Variants in NEB observed in about 807,000 individuals in gnomAD.
The protein encoded by NEB is nemaline myopathy type 2.
NEB carries 512 observed loss-of-function variants against 952.2 expected under a neutral mutation model. The observed-to-expected ratio is 0.54, with a 90% CI of 0.50 to 0.58. The LOEUF is 0.58. Ranked by LOEUF, NEB falls within the 20% of genes least tolerant of loss-of-function variation. The probability of loss-of-function intolerance (pLI) is 0.00; values close to 1 mark genes in which losing one functional copy is unlikely to be tolerated. For missense variants in NEB, 8,428 were observed against 9,231.1 expected (o/e 0.91, Z 3.56); for synonymous variants, 2,900 against 3,149.8 (o/e 0.92, Z 2.66).
intron 9 of NEB, among the ~76,000 whole-genome samples, chr2:151,718,273 G>A (rs2099764911): frequency 6.6e-6 from 1 of 152,174 alleles, no homozygotes; most frequent in Non-Finnish European, 1.5e-5. Flanking sequence ...GAAGGTACAG[G>A]GCAGGGAGAC....
chr2:151,576,383 G>T, intron 105 of NEB, 29 bp from the exon 106 acceptor site: 1 of 1,547,452 alleles, frequency 6.5e-7, no homozygotes, highest in Non-Finnish European at 8.8e-7. Flanking sequence ...GTAGAAGCAG[G>T]GTTTGTGTTT....
Position 151,563,606 on chromosome 2 carries a change from C to G in NEB, c.18693G>C (p.Ala6231=), listed in dbSNP as rs141338915. ...CGTGTTAAAGTGGACATTTACTTACCGCACTCCTCATCTTTTGGAAATCCA... is the reference window on the plus strand; with the variant it reads ...CGTGTTAAAGTGGACATTTACTTACGGCACTCCTCATCTTTTGGAAATCCA... The part of the protein sequence containing the change: ...HCLDFQKMRS[A]LNYRKHYEDT... The change falls in exon 119 of 182, where the codon GCG becomes GCC. Residue 6231 remains alanine (A), a splice_region_variant and synonymous_variant. Transcript: ENST00000397345. The G allele has an allele frequency of 2.1e-3, 3,453 of 1,611,602 alleles. 49 individuals carry two copies. In the East Asian group the frequency reaches 0.033, roughly 15 times the overall value.
intron 65 of NEB, 97 bp from the exon 66 acceptor site, chr2:151,631,443 C>G (rs1410689012): frequency 3.7e-6 from 5 of 1,334,314 alleles, no homozygotes; most frequent in Non-Finnish European, 5.1e-6. Context: ...ATTCTGTTTT[C>G]TATTCGTAGA....
intron 5 of NEB, among the ~76,000 whole-genome samples, chr2:151,726,824 A>G (rs1396895527): frequency 6.6e-6 from 1 of 152,114 alleles, no homozygotes; most frequent in Non-Finnish European, 1.5e-5. Context: ...CCAGGAGTTT[A>G]CGACCATCCT....
intron 60 of NEB, among the ~76,000 whole-genome samples, 155 bp downstream of exon 60, chr2:151,642,417 GAT>G (rs1012019417): frequency 2.0e-5 from 3 of 152,182 alleles, no homozygotes; most frequent in Non-Finnish European, 4.4e-5. Flanking sequence ...CCTTTCTGTT[GAT>G]AACTCTATTA....
chr2:151,526,020 T>C lies in NEB; in HGVS notation c.22099A>G (p.Thr7367Ala), dbSNP rs777597676. ...VKKHLAQGSY[T>A]TLPETRDTVH... ...GTGTCCCGGGTCTCTGGTAGTGTTG[T>C]GTATGAGCCCTGTGCCAAGTGCTTC... is the stretch of plus-strand genomic sequence containing the variant. The change falls in exon 150 of 182, where the codon ACA becomes GCA. Residue 7367 changes from threonine (T) to alanine (A), a missense_variant. Coordinates refer to ENST00000397345, the MANE Select transcript of NEB (RefSeq NM_001164508.2). The C allele has an allele frequency of 5.0e-6, 8 of 1,614,022 alleles. No homozygotes were observed. The highest frequency in any genetic ancestry group is 2.7e-5 in the African/African-American group (2 of 75,060).
intron 63 of NEB, among the ~76,000 whole-genome samples, chr2:151,636,881 T>C (rs2098772352): frequency 6.6e-6 from 1 of 152,234 alleles, no homozygotes; most frequent in Non-Finnish European, 1.5e-5. Context: ...ATATACATAT[T>C]ACAGGTTGTT....
chr2:151,526,938 T>C lies in NEB; in HGVS notation c.21925A>G (p.Asn7309Asp). ...CTTACATCACTTTCTATTAAAGTAT[T>C]CCTGAGGGCGAGCACCGTGTTTTTG... ...DDKNTVLALRNTLIESDLKYK... is the reference protein window; with the variant it reads ...DDKNTVLALRDTLIESDLKYK... Residue 7309 changes from asparagine to aspartate, a missense_variant, in exon 148 of 182, where the codon AAT becomes GAT. By Grantham distance (23) the Asn-to-Asp change is conservative. Coordinates refer to ENST00000397345, the MANE Select transcript of NEB (RefSeq NM_001164508.2). 6.3e-7 allele frequency: 1 copy of C among 1,598,056 alleles called. No homozygotes were observed. The highest frequency in any genetic ancestry group is 8.5e-7 in the Non-Finnish European group (1 of 1,170,734).
chr2:151,644,003 T>G lies in NEB; in HGVS notation c.7771A>C (p.Lys2591Gln). 1 of 1,613,954 alleles carries G rather than the reference T, an allele frequency of 6.2e-7. No individual in the cohort carries two copies. Among genetic ancestry groups the G allele is most frequent in the Non-Finnish European group, 8.5e-7 (1 of 1,179,880 alleles). ...AKIQSDREYK[K>Q]DFEKWKTKFS... is the part of the protein sequence containing the mutation. Reference sequence around the variant, plus strand: ...TTGGTCTTCCACTTCTCAAAGTCCTTCTTGTACTCCCTGTCACTCTGGATC... The same window carrying G: ...TTGGTCTTCCACTTCTCAAAGTCCTGCTTGTACTCCCTGTCACTCTGGATC... Residue 2591 changes from lysine to glutamine, a missense_variant, in exon 57 of 182, where the codon AAG becomes CAG. Around this residue, in one of 11 missense-constraint regions of NEB, gnomAD observed 1,772 missense variants for 1,960.3 expected, o/e 0.90. Coordinates refer to ENST00000397345, the MANE Select transcript of NEB (RefSeq NM_001164508.2).
intron 129 of NEB, among the ~76,000 whole-genome samples, chr2:151,551,439 C>T (rs2095332302): frequency 1.3e-5 from 2 of 152,118 alleles, no homozygotes; most frequent in South Asian, 4.1e-4. Context: ...GGTTAAAGGC[C>T]TTGTCTCTGT....
chr2:151,650,551 T>C, intron 53 of NEB, 23 bp downstream of exon 53: 1 of 1,531,498 alleles, frequency 6.5e-7, no homozygotes, highest in Non-Finnish European at 8.8e-7. Flanking sequence ...ATATATAAAC[T>C]ATTGGATTTA....
chr2:151,698,976 G>C (rs1212346364), intron 13 of NEB, among the ~76,000 whole-genome samples: 1 of 136,772 alleles, frequency 7.3e-6, no homozygotes, highest in African/African-American at 2.7e-5. Flanking sequence ...CCACTAACTC[G>C]TCATCTAGCA....
chr2:151,665,615 A>T (rs1251268303), intron 41 of NEB, 76 bp from the exon 42 acceptor site: 8 of 1,272,078 alleles, frequency 6.3e-6, no homozygotes, highest in Non-Finnish European at 8.5e-6. Flanking sequence ...ATTTACTTAC[A>T]ATCAAAAAGA....
chr2:151,519,179 G>GA (rs2080228593), intron 154 of NEB, 110 bp from the exon 155 acceptor site: 1 of 757,440 alleles, frequency 1.3e-6, no homozygotes, highest in Admixed American at 2.0e-5. Flanking sequence ...AGATGGTGAT[G>GA]AAAAATCATA....
At chr2:151,629,334 C>T (rs545763932) in intron 68 of NEB, among the ~76,000 whole-genome samples, 1 of 152,218 alleles carries the variant, frequency 6.6e-6, no homozygotes, top group East Asian at 1.9e-4. Context: ...GTTTAGGTTA[C>T]CCCCTTCCTA....
chr2:151,691,065 C>T (rs529427924), intron 23 of NEB, among the ~76,000 whole-genome samples: 1 of 152,262 alleles, frequency 6.6e-6, no homozygotes, highest in South Asian at 2.1e-4. Context: ...TAACCTTACC[C>T]TGCTGAAGCC....
chr2:151,717,413 T>C lies in NEB; in HGVS notation c.822+3A>G. On this transcript the variant is annotated splice_donor_region_variant and intron_variant, in intron 10 of 181. Transcript: ENST00000397345. ...AGGCAATGTCCCAGCTCTATTTACT[T>C]ACCTTGCTCACTTGATTGGTTACTT... is the stretch of plus-strand genomic sequence containing the variant. The C allele has an allele frequency of 6.2e-7, 1 of 1,600,010 alleles. No homozygotes were observed. The highest frequency in any genetic ancestry group is 8.6e-7 in the Non-Finnish European group (1 of 1,167,008).
chr2:151,514,774 A>G lies in NEB; in HGVS notation c.23016+44T>C, dbSNP rs376144975. On this transcript the variant is annotated intron_variant, in intron 158 of 181. Transcript: ENST00000397345. Reference sequence around the variant, plus strand: ...CACATTAATGAGTGTCACTAGTGCAATTATTTGGATTAAGAGGGAAAGAAA... The same window carrying G: ...CACATTAATGAGTGTCACTAGTGCAGTTATTTGGATTAAGAGGGAAAGAAA... 41 of 1,300,088 alleles carry G rather than the reference A, an allele frequency of 3.2e-5. No homozygotes were observed. In the African/African-American group the frequency reaches 5.0e-4, roughly 16 times the overall value. 80.5% of individuals were successfully genotyped at this position (1,300,088 alleles called of 1,614,324 possible). A position where few individuals can be genotyped will look rare whatever the true frequency, so the allele number is the denominator to read the frequency against.
chr2:151,571,269 G>A (rs1187406996), intron 107 of NEB, among the ~76,000 whole-genome samples: 1 of 152,136 alleles, frequency 6.6e-6, no homozygotes, highest in Non-Finnish European at 1.5e-5. Flanking sequence ...GCCTCCCAAA[G>A]TGCTCCAATA....
Sources: gnomAD v4.1 joint callset for allele counts (sites outside exome capture counted in the v4.1 genomes callset) on GRCh38, gnomAD v4.1.1 for gene constraint, gnomAD v4.1.1 regional missense constraint, MANE v1.5 for transcripts, NCBI Gene and HGNC (gene_info 2026-07-23, HGNC 2026-07-21) for gene names.